The following NALF1 variants were observed in gnomAD, a reference collection of about 807,000 sequenced individuals.
NALF1 encodes the protein NALCN channel auxiliary factor 1, also known as family with sequence similarity 155 member A.
Under a neutral mutation model 48.4 loss-of-function variants are expected in NALF1, and 3 were observed. The ratio of observed to expected loss-of-function variants is 0.06; its 90% CI spans 0.03 to 0.16. The LOEUF is 0.16. Ranked by LOEUF, NALF1 falls within the 10% of genes least tolerant of loss-of-function variation. The pLI, the probability that NALF1 is intolerant of heterozygous loss-of-function variation, is 1.00. For missense variants in NALF1, 526 were observed against 571.5 expected, an observed-to-expected ratio of 0.92 and a Z score of 0.81; for synonymous variants, 262 against 245.7, an observed-to-expected ratio of 1.07 and a Z score of -0.62.
intron 1 of NALF1, among the ~76,000 whole-genome samples, chr13:107,556,318 C>CATAT (rs1488162828): frequency 6.9e-6 from 1 of 143,920 alleles, no homozygotes; most frequent in African/African-American, 2.6e-5. Flanking sequence ...CACACACACA[C>CATAT]ATATATATAT....
At chr13:107,660,479 AC>A (rs879878753) in intron 1 of NALF1, among the ~76,000 whole-genome samples, 5,923 of 84,118 alleles carry the variant, frequency 0.07, 209 homozygotes, top group Middle Eastern at 0.12. Flanking sequence ...ACACACACAC[AC>A]ACACAACAAA....
intron 1 of NALF1, among the ~76,000 whole-genome samples, chr13:107,276,401 A>C (rs1254309205): frequency 2.0e-5 from 3 of 152,156 alleles, no homozygotes; most frequent in Non-Finnish European, 4.4e-5. Flanking sequence ...CTTTCTTCCC[A>C]CAGAACATGT....
chr13:107,733,788 T>G (rs1876383304), intron 1 of NALF1, among the ~76,000 whole-genome samples: 2 of 152,276 alleles, frequency 1.3e-5, no homozygotes, highest in South Asian at 4.1e-4. Context: ...AAAAAATTGT[T>G]GCTAGGACAC....
intron 1 of NALF1, among the ~76,000 whole-genome samples, chr13:107,260,356 C>T (rs1348968131): frequency 1.3e-5 from 2 of 152,156 alleles, no homozygotes. Context: ...GATGAGCTGC[C>T]ATCATTTGTA....
intron 1 of NALF1, among the ~76,000 whole-genome samples, chr13:107,437,026 C>A (rs1307760954): frequency 1.3e-5 from 2 of 151,898 alleles, no homozygotes; most frequent in Non-Finnish European, 2.9e-5. Flanking sequence ...ATACAAAGGA[C>A]TTCTACAACC....
chr13:107,330,391 G>A (rs1015523690), intron 1 of NALF1, among the ~76,000 whole-genome samples: 1 of 152,070 alleles, frequency 6.6e-6, no homozygotes. Context: ...TTTAAATTTC[G>A]ATCTGTATTC....
chr13:107,653,998 CA>C (rs1880511837), intron 1 of NALF1, among the ~76,000 whole-genome samples: 2 of 151,806 alleles, frequency 1.3e-5, no homozygotes, highest in Admixed American at 1.3e-4. Flanking sequence ...ACTAATAAAT[CA>C]AAACCCAAAT....
intron 1 of NALF1, among the ~76,000 whole-genome samples, chr13:107,417,280 C>G (rs1468209465): frequency 6.6e-6 from 1 of 152,174 alleles, no homozygotes; most frequent in Admixed American, 6.5e-5. Context: ...ATTGTCTGTG[C>G]TTTTCACTAT....
At chr13:107,220,876 G>A (rs1879977286) in intron 1 of NALF1, among the ~76,000 whole-genome samples, 1 of 151,948 alleles carries the variant, frequency 6.6e-6, no homozygotes, top group Non-Finnish European at 1.5e-5. Context: ...GAGAAAGAGA[G>A]GGAGGAAGGG....
At chr13:107,472,014 T>C (rs1885108845) in intron 1 of NALF1, among the ~76,000 whole-genome samples, 1 of 152,202 alleles carries the variant, frequency 6.6e-6, no homozygotes, top group African/African-American at 2.4e-5. Context: ...AGTGCTAAAA[T>C]ACAGGCTCCA....
chr13:107,731,933 T>C (rs1382614231), intron 1 of NALF1, among the ~76,000 whole-genome samples: 1 of 152,152 alleles, frequency 6.6e-6, no homozygotes, highest in African/African-American at 2.4e-5. Flanking sequence ...GAATTCTCCA[T>C]AGAGCTATCC....
At position 107,414,397 on chromosome 13, in the gene NALF1, A is replaced by G. The variant is rs553983142; in HGVS notation, c.916-203642T>C. Among the ~76,000 whole-genome samples, 468 of 151,004 alleles carry G rather than the reference A, an allele frequency of 3.1e-3. 4 individuals carry two copies. Among genetic ancestry groups the G allele is most frequent in the African/African-American group, 0.011 (445 of 41,262 alleles). On this transcript the variant is annotated intron_variant, in intron 1 of 2. Transcript: ENST00000375915. ...TTTCAAATGTATATCTAGGTATTTT[A>G]TGAGGAATTCTTATAGTTTTCAAAT...
chr13:107,770,443 T>C (rs1442332013), intron 1 of NALF1, among the ~76,000 whole-genome samples: 1 of 152,156 alleles, frequency 6.6e-6, no homozygotes, highest in African/African-American at 2.4e-5. Flanking sequence ...GCATAACAAA[T>C]TATTCATAGA....
chr13:107,563,242 C>T (rs549863046), intron 1 of NALF1, among the ~76,000 whole-genome samples: 3 of 152,298 alleles, frequency 2.0e-5, no homozygotes, highest in East Asian at 3.9e-4. Context: ...CTGTGGATGA[C>T]AGTCAGAGCC....
chr13:107,296,563 C>G (rs1881730802), intron 1 of NALF1, among the ~76,000 whole-genome samples: 1 of 152,098 alleles, frequency 6.6e-6, no homozygotes, highest in South Asian at 2.1e-4. Flanking sequence ...TATTCAAGCT[C>G]TTATTTCAAA....
chr13:107,860,515 T>C (rs1221415449), intron 1 of NALF1, among the ~76,000 whole-genome samples: 1 of 152,162 alleles, frequency 6.6e-6, no homozygotes, highest in Non-Finnish European at 1.5e-5. Flanking sequence ...CAGAATCTCT[T>C]AGGGTTGGGA....
chr13:107,281,476 T>A (rs1024759758), intron 1 of NALF1, among the ~76,000 whole-genome samples: 11 of 151,904 alleles, frequency 7.2e-5, no homozygotes, highest in African/African-American at 2.4e-4. Flanking sequence ...CATTCCAGAG[T>A]GTGATGGTCC....
chr13:107,507,612 A>G (rs2139084424), intron 1 of NALF1, among the ~76,000 whole-genome samples: 1 of 147,204 alleles, frequency 6.8e-6, no homozygotes, highest in Non-Finnish European at 1.5e-5. Context: ...AAAAAAAAAA[A>G]AAAAAAAAAA....
intron 1 of NALF1, among the ~76,000 whole-genome samples, chr13:107,651,228 T>C (rs546615194): frequency 6.6e-6 from 1 of 152,222 alleles, no homozygotes; most frequent in South Asian, 2.1e-4. Context: ...CTCTGGCCTT[T>C]GACATTTAGT....
Sources: gnomAD v4.1 joint callset for allele counts (sites outside exome capture counted in the v4.1 genomes callset) on GRCh38, gnomAD v4.1.1 for gene constraint, MANE v1.5 for transcripts, NCBI Gene and HGNC (gene_info 2026-07-23, HGNC 2026-07-21) for gene names.